Variants in YIPF1 observed in about 807,000 individuals in gnomAD.
YIPF1 encodes the protein protein YIPF1.
YIPF1 carries 22 observed loss-of-function variants against 37.0 expected under a neutral mutation model. The ratio of observed to expected loss-of-function variants is 0.59; its 90% CI spans 0.42 to 0.85. The LOEUF is 0.85. Among genes scored for constraint, YIPF1 ranks in the 40% least tolerant of loss-of-function variants. YIPF1 has a pLI of 0.00. For missense variants in YIPF1, 355 were observed against 373.1 expected (o/e 0.95, Z 0.40); for synonymous variants, 128 against 131.9 (o/e 0.97, Z 0.21).
intron 3 of YIPF1, among the ~76,000 whole-genome samples, chr1:53,888,454 C>T (rs1054829261): frequency 2.6e-5 from 4 of 152,174 alleles, no homozygotes; most frequent in South Asian, 2.1e-4. Flanking sequence ...AACAATTGCC[C>T]GGTTCCTGGT....
In YIPF1 at chr1:53,871,396, G is replaced by C; in HGVS notation, c.457C>G (p.His153Asp). The change falls in exon 7 of 11, where the codon CAT (histidine) becomes GAT (aspartate). Residue 153 changes from histidine to aspartate, a missense_variant. By Grantham distance (81) the His-to-Asp change is moderately conservative. Transcript: ENST00000072644. ...FLIHLGEKTY[H>D]YVPEFRKVSI... ...CCTTTTCGGAATTCGGGCACATAAT[G>C]GTACGTCTTCTCTCCCAGATGGATC... is the stretch of plus-strand genomic sequence containing the variant. 1.2e-6 allele frequency: 2 copies of C among 1,613,722 alleles called. No individual in the cohort carries two copies. Among genetic ancestry groups the C allele is most frequent in the Non-Finnish European group, 1.7e-6 (2 of 1,179,774 alleles).
At chr1:53,858,906 G>A (rs11206229) in intron 10 of YIPF1, among the ~76,000 whole-genome samples, 57,178 of 152,082 alleles carry the variant, frequency 0.38, 10,950 homozygotes, top group East Asian at 0.56. Flanking sequence ...AGAGTGCTGG[G>A]ATTACAGGTG....
chr1:53,878,897 A>G (rs1650407836), intron 4 of YIPF1, among the ~76,000 whole-genome samples, 175 bp from the exon 5 acceptor site: 1 of 152,190 alleles, frequency 6.6e-6, no homozygotes, highest in Non-Finnish European at 1.5e-5. Flanking sequence ...GCCTGATTAG[A>G]AAAACAAGCA....
rs1296822105 is a variant in YIPF1, at chr1:53,883,217, C to T, written c.91G>A (p.Glu31Lys). ...TGTTTTGGGGTTTCACCAGGATCCT[C>T]AATGTTTACTGTGGTGGCATCTGGG... ...ANPDATTVNI[E>K]DPGETPKHQP... The change falls in exon 4 of 11, where the codon GAG becomes AAG. Residue 31 changes from glutamate to lysine, a missense_variant. Transcript: ENST00000072644. The T allele has an allele frequency of 6.3e-7, 1 of 1,595,848 alleles. No individual in the cohort carries two copies. The highest frequency in any genetic ancestry group is 8.5e-7 in the Non-Finnish European group (1 of 1,172,504).
chr1:53,877,328 C>T (rs894802410), intron 6 of YIPF1, among the ~76,000 whole-genome samples: 1 of 152,176 alleles, frequency 6.6e-6, no homozygotes, highest in Non-Finnish European at 1.5e-5. Context: ...TATATGACTG[C>T]TTTACTATTT....
At chr1:53,871,142 A>C (rs757805888) in intron 7 of YIPF1, among the ~76,000 whole-genome samples, 1 of 152,182 alleles carries the variant, frequency 6.6e-6, no homozygotes, top group Admixed American at 6.6e-5. Flanking sequence ...TACACATTTA[A>C]ATGGTAAATT....
intron 9 of YIPF1, among the ~76,000 whole-genome samples, chr1:53,862,125 T>G (rs1177387417): frequency 6.6e-6 from 1 of 152,248 alleles, no homozygotes; most frequent in African/African-American, 2.4e-5. Flanking sequence ...GAATGCCTAC[T>G]GTGCACCAGA....
At position 53,866,315 on chromosome 1, in the gene YIPF1, C is replaced by A; in HGVS notation, c.716G>T (p.Gly239Val). ...ILVMIALGIS[G>V]SLLAMTFWPA... ...CCAAAATGTCATTGCCAAGAGAGAT[C>A]CTGAGATGCCCAGGGCAATCATGAC... is the stretch of plus-strand genomic sequence containing the variant. The change falls in exon 9 of 11, where the codon GGA becomes GTA. Residue 239 changes from glycine to valine, a missense_variant. Coordinates refer to ENST00000072644, the MANE Select transcript of YIPF1 (RefSeq NM_018982.5). 6.2e-7 allele frequency: 1 copy of A among 1,614,136 alleles called. No individual in the cohort carries two copies. The highest frequency in any genetic ancestry group is 8.5e-7 in the Non-Finnish European group (1 of 1,180,028).
At position 53,870,794 on chromosome 1, in the gene YIPF1, T is replaced by C. The variant is rs547115118; in HGVS notation, c.481+578A>G. On this transcript the variant is annotated intron_variant, in intron 7 of 10. Coordinates refer to ENST00000072644, the MANE Select transcript of YIPF1 (RefSeq NM_018982.5). ...CGGGAGGCCAAGATGGGAGAATCACTTGAGCCCAAGAGTTTGAGATCAGCC... is the reference window on the plus strand; with the variant it reads ...CGGGAGGCCAAGATGGGAGAATCACCTGAGCCCAAGAGTTTGAGATCAGCC... 4.6e-5 allele frequency among the ~76,000 whole-genome samples: 7 copies of C among 152,054 alleles called. No homozygotes were observed. In the East Asian group the frequency reaches 1.2e-3, roughly 25 times the overall value.
intron 3 of YIPF1, among the ~76,000 whole-genome samples, chr1:53,885,188 G>A (rs1013147030): frequency 1.3e-5 from 2 of 152,102 alleles, no homozygotes; most frequent in African/African-American, 2.4e-5. Context: ...GAGATTTTGA[G>A]GATGATGAAA....
chr1:53,888,961 T>C lies in YIPF1; in HGVS notation c.-24A>G. 6.3e-7 allele frequency: 1 copy of C among 1,594,942 alleles called. No individual in the cohort carries two copies. Among genetic ancestry groups the C allele is most frequent in the South Asian group, 1.1e-5 (1 of 90,012 alleles). On this transcript the variant is annotated 5_prime_UTR_variant, in exon 3 of 11. Transcript: ENST00000072644. Reference sequence around the variant, plus strand: ...ATTCGGCCAGTGAGTCTTCTCCCAATTATGAGGAAGAAAATTTGCAGGGTT... The same window carrying C: ...ATTCGGCCAGTGAGTCTTCTCCCAACTATGAGGAAGAAAATTTGCAGGGTT...
chr1:53,853,474 G>A (rs1366807446), intron 10 of YIPF1, among the ~76,000 whole-genome samples: 1 of 152,198 alleles, frequency 6.6e-6, no homozygotes, highest in Non-Finnish European at 1.5e-5. Flanking sequence ...CTTGGAAAGA[G>A]GGGCTGGAGA....
intron 6 of YIPF1, among the ~76,000 whole-genome samples, chr1:53,872,144 T>C (rs1213954688): frequency 6.6e-6 from 1 of 152,036 alleles, no homozygotes; most frequent in African/African-American, 2.4e-5. Flanking sequence ...TATATGTATA[T>C]GGTCCAGTGT....
chr1:53,862,800 G>C (rs1308225983), intron 9 of YIPF1, among the ~76,000 whole-genome samples: 1 of 152,044 alleles, frequency 6.6e-6, no homozygotes, highest in Non-Finnish European at 1.5e-5. Context: ...TTCAATCCTT[G>C]CAACGTAAAG....
chr1:53,871,582 T>A, intron 6 of YIPF1, 94 bp from the exon 7 acceptor site: 1 of 1,084,708 alleles, frequency 9.2e-7, no homozygotes, highest in Non-Finnish European at 1.4e-6. Flanking sequence ...GTATTCATGT[T>A]AGCAAAAGAA....
chr1:53,870,466 A>G (rs1006207761), intron 7 of YIPF1, among the ~76,000 whole-genome samples: 1 of 152,020 alleles, frequency 6.6e-6, no homozygotes, highest in Non-Finnish European at 1.5e-5. Flanking sequence ...ATGAGCAACC[A>G]TGTCCAGCCC....
intron 3 of YIPF1, among the ~76,000 whole-genome samples, chr1:53,887,100 T>G (rs979465947): frequency 5.3e-5 from 8 of 151,960 alleles, no homozygotes; most frequent in Admixed American, 2.6e-4. Flanking sequence ...TGTTTGTTTA[T>G]GTTTGAGATG....
intron 9 of YIPF1, among the ~76,000 whole-genome samples, chr1:53,864,684 TA>T (rs1347001818): frequency 6.6e-6 from 1 of 152,204 alleles, no homozygotes; most frequent in Non-Finnish European, 1.5e-5. Context: ...TTTCCTTTAT[TA>T]GGGACCTTAA....
rs767065229 is a variant in YIPF1, at chr1:53,888,964, T to C, written c.-27A>G. On this transcript the variant is annotated 5_prime_UTR_variant, in exon 3 of 11. Transcript: ENST00000072644. ...CGGCCAGTGAGTCTTCTCCCAATTATGAGGAAGAAAATTTGCAGGGTTCTA... is the reference window on the plus strand; with the variant it reads ...CGGCCAGTGAGTCTTCTCCCAATTACGAGGAAGAAAATTTGCAGGGTTCTA... 67 of 1,594,986 alleles carry C rather than the reference T, an allele frequency of 4.2e-5. No individual in the cohort carries two copies. Among genetic ancestry groups the C allele is most frequent in the Non-Finnish European group, 5.3e-5 (62 of 1,164,652 alleles).
Sources: allele counts gnomAD v4.1 joint callset (sites outside exome capture counted in the v4.1 genomes callset), GRCh38; gene constraint gnomAD v4.1.1; transcripts MANE v1.5; gene names NCBI Gene and HGNC (gene_info 2026-07-23, HGNC 2026-07-21).